The following KHDRBS2 variants were observed in gnomAD, a reference collection of about 807,000 sequenced individuals.
KHDRBS2 encodes KH RNA binding domain containing, signal transduction associated 2, also known as KH domain-containing, RNA-binding, signal transduction-associated protein 2.
In KHDRBS2, 26 loss-of-function variants were observed where a neutral mutation model predicts 44.3. The observed-to-expected ratio is 0.59, with a 90% confidence interval of 0.43 to 0.81. The LOEUF is 0.81. Among genes scored for constraint, KHDRBS2 ranks in the 40% least tolerant of loss-of-function variants. The probability of loss-of-function intolerance (pLI) is 0.00; values close to 1 mark genes in which losing one functional copy is unlikely to be tolerated. For synonymous variants in KHDRBS2, 194 were observed against 151.1 expected (o/e 1.28, Z -2.08); for missense variants, 476 against 433.1 (o/e 1.10, Z -0.88).
At chr6:62,218,175 T>C (rs1830331394) in intron 1 of KHDRBS2, among the ~76,000 whole-genome samples, 1 of 151,800 alleles carries the variant, frequency 6.6e-6, no homozygotes, top group African/African-American at 2.4e-5. Context: ...AGAGTAAGGA[T>C]ATACCAAAAG....
intron 2 of KHDRBS2, among the ~76,000 whole-genome samples, chr6:62,060,787 T>G (rs1282375955): frequency 2.0e-5 from 3 of 151,848 alleles, no homozygotes; most frequent in Non-Finnish European, 4.4e-5. Context: ...GTACACATAG[T>G]TGGAGAATAT....
chr6:61,582,904 A>T, the KHDRBS2 span, among the ~76,000 whole-genome samples: 2 of 151,818 alleles, frequency 1.3e-5, no homozygotes, highest in Non-Finnish European at 3.0e-5. Context: ...ATCTTTTCAT[A>T]ATGAAAATTG....
the KHDRBS2 span, among the ~76,000 whole-genome samples, chr6:61,644,270 G>T: frequency 6.6e-6 from 1 of 152,116 alleles, no homozygotes. Flanking sequence ...ATTGAAACTG[G>T]ACCCCTTTCT....
intron 2 of KHDRBS2, among the ~76,000 whole-genome samples, chr6:62,071,844 A>C (rs1022094145): frequency 1.3e-5 from 2 of 151,878 alleles, no homozygotes; most frequent in East Asian, 3.9e-4. Flanking sequence ...TGTTCCATAT[A>C]AACTTTAAAG....
chr6:61,980,926 G>T (rs971501855), intron 3 of KHDRBS2, among the ~76,000 whole-genome samples: 1 of 152,158 alleles, frequency 6.6e-6, no homozygotes, highest in Non-Finnish European at 1.5e-5. Context: ...TGAATTCCAT[G>T]TCATTTCAAT....
chr6:61,654,805 T>C, the KHDRBS2 span, among the ~76,000 whole-genome samples: 1 of 151,494 alleles, frequency 6.6e-6, no homozygotes, highest in Non-Finnish European at 1.5e-5. Context: ...GATTACCTGC[T>C]GGGAACTGGA....
chr6:61,615,691 G>T, the KHDRBS2 span, among the ~76,000 whole-genome samples: 2 of 152,186 alleles, frequency 1.3e-5, no homozygotes, highest in African/African-American at 4.8e-5. Flanking sequence ...ACGTTCAAAA[G>T]ACATGCTCAT....
At chr6:61,981,020 T>C (rs760035652) in intron 3 of KHDRBS2, among the ~76,000 whole-genome samples, 10 of 152,110 alleles carry the variant, frequency 6.6e-5, no homozygotes, top group African/African-American at 1.7e-4. Flanking sequence ...TAAATACATA[T>C]AGCTTTTCCC....
intron 7 of KHDRBS2, among the ~76,000 whole-genome samples, chr6:61,698,729 A>C (rs1768209500): frequency 6.6e-6 from 1 of 151,772 alleles, no homozygotes; most frequent in Non-Finnish European, 1.5e-5. Context: ...CTCCTTGCTC[A>C]CTCACCCTAC....
the KHDRBS2 span, among the ~76,000 whole-genome samples, chr6:61,557,167 C>T: frequency 4.6e-5 from 7 of 152,092 alleles, no homozygotes; most frequent in African/African-American, 9.6e-5. Flanking sequence ...CACTAGTGCA[C>T]CAGCACAGGA....
At chr6:62,210,989 TTC>T (rs1461989144) in intron 1 of KHDRBS2, among the ~76,000 whole-genome samples, 1 of 152,106 alleles carries the variant, frequency 6.6e-6, no homozygotes, top group African/African-American at 2.4e-5. Context: ...CCAACCTAAA[TTC>T]TTTTTCTTTT....
At chr6:61,775,782 GA>G (rs1462333722) in intron 6 of KHDRBS2, among the ~76,000 whole-genome samples, 1 of 152,076 alleles carries the variant, frequency 6.6e-6, no homozygotes, top group Non-Finnish European at 1.5e-5. Flanking sequence ...CATAGAATTG[GA>G]AAAAACTACT....
intron 6 of KHDRBS2, among the ~76,000 whole-genome samples, chr6:61,772,931 A>G (rs189642071): frequency 1.3e-5 from 2 of 151,904 alleles, no homozygotes; most frequent in Admixed American, 6.6e-5. Context: ...GAGAATGATG[A>G]TTTCCAATTT....
At chr6:61,706,408 C>T (rs1404943788) in intron 7 of KHDRBS2, among the ~76,000 whole-genome samples, 2 of 151,742 alleles carry the variant, frequency 1.3e-5, no homozygotes, top group East Asian at 3.9e-4. Context: ...GTAGACTTGG[C>T]TATTAGACAG....
the KHDRBS2 span, among the ~76,000 whole-genome samples, chr6:61,601,730 C>T: frequency 6.6e-6 from 1 of 151,950 alleles, no homozygotes; most frequent in African/African-American, 2.4e-5. Flanking sequence ...CACCTCTCCC[C>T]TCCTCCCCAG....
At chr6:62,047,431 A>G (rs1248485031) in intron 3 of KHDRBS2, among the ~76,000 whole-genome samples, 2 of 151,940 alleles carry the variant, frequency 1.3e-5, no homozygotes, top group Non-Finnish European at 2.9e-5. Context: ...AGATTTGCAG[A>G]TAAGTATTAG....
chr6:61,738,893 A>G (rs1775767969), intron 6 of KHDRBS2, among the ~76,000 whole-genome samples: 1 of 151,870 alleles, frequency 6.6e-6, no homozygotes, highest in African/African-American at 2.4e-5. Context: ...TGTTATATTA[A>G]CCACTGAATT....
intron 2 of KHDRBS2, among the ~76,000 whole-genome samples, chr6:62,166,680 G>T (rs1010258): frequency 0.32 from 49,078 of 151,782 alleles, 8,586 homozygotes; most frequent in Middle Eastern, 0.44. Context: ...TATTTAAGTT[G>T]ATATCAAATT....
intron 5 of KHDRBS2, among the ~76,000 whole-genome samples, chr6:61,898,806 T>A (rs1328223820): frequency 6.6e-6 from 1 of 151,934 alleles, no homozygotes; most frequent in Non-Finnish European, 1.5e-5. Context: ...CCAACTATCA[T>A]ACTTACTTAA....
Sources: allele counts gnomAD v4.1 joint callset (sites outside exome capture counted in the v4.1 genomes callset), GRCh38; gene constraint gnomAD v4.1.1; transcripts MANE v1.5; gene names NCBI Gene and HGNC (gene_info 2026-07-23, HGNC 2026-07-21).